AKAP8: variants seen among roughly 807,000 people sequenced by gnomAD.
AKAP8 encodes the protein A-kinase anchoring protein 8, also known as A-kinase anchor protein 8.
AKAP8 carries 24 observed loss-of-function variants against 67.5 expected under a neutral mutation model. The observed-to-expected ratio is 0.36, with a 90% CI of 0.26 to 0.50. AKAP8 has a LOEUF of 0.50. Ranked by LOEUF, AKAP8 falls within the 20% of genes least tolerant of loss-of-function variation. AKAP8 has a pLI of 0.97. For synonymous variants in AKAP8, 400 were observed against 371.1 expected, an observed-to-expected ratio of 1.08 and a Z score of -0.90; for missense variants, 971 against 955.9, an observed-to-expected ratio of 1.02 and a Z score of -0.21.
At chr19:15,355,424 C>T (rs1599553675) in intron 13 of AKAP8, 54 bp from the exon 14 acceptor site, 2 of 1,518,996 alleles carry the variant, frequency 1.3e-6, no homozygotes, top group East Asian at 2.3e-5. Flanking sequence ...TCAGGAGGCC[C>T]ATGATTGCGG....
chr19:15,361,156 T>C (rs751526811), intron 11 of AKAP8, among the ~76,000 whole-genome samples, 178 bp from the exon 12 acceptor site: 1 of 152,170 alleles, frequency 6.6e-6, no homozygotes, highest in African/African-American at 2.4e-5. Context: ...TTCTGCACTT[T>C]TCAGCTTTTC....
At chr19:15,366,330 A>C (rs1425686505) in intron 9 of AKAP8, among the ~76,000 whole-genome samples, 2 of 152,136 alleles carry the variant, frequency 1.3e-5, no homozygotes, top group Non-Finnish European at 2.9e-5. Flanking sequence ...ATTAAAAAGA[A>C]AATGTCATCT....
At chr19:15,362,000 G>T in intron 10 of AKAP8, 110 bp downstream of exon 10, 1 of 1,482,228 alleles carries the variant, frequency 6.7e-7, no homozygotes, top group Non-Finnish European at 9.1e-7. Context: ...CTCTATCTGG[G>T]AAAGGAAACC....
In AKAP8 at chr19:15,354,838, G is replaced by A; in HGVS notation, c.*77C>T. The A allele has an allele frequency of 6.5e-7, 1 of 1,538,168 alleles. No individual in the cohort carries two copies. Among genetic ancestry groups the A allele is most frequent in the Non-Finnish European group, 8.8e-7 (1 of 1,130,424 alleles). ...GCATATTCTGGGAGCACACGCCCTTGTACTGCTTACAAACCAAGGGAGAAA... is the reference window on the plus strand; with the variant it reads ...GCATATTCTGGGAGCACACGCCCTTATACTGCTTACAAACCAAGGGAGAAA... On this transcript the variant is annotated 3_prime_UTR_variant, in exon 14 of 14. Coordinates refer to ENST00000269701, the MANE Select transcript of AKAP8 (RefSeq NM_005858.4).
In AKAP8 at chr19:15,354,050, T is replaced by C. The variant is rs1324834412; in HGVS notation, c.*865A>G. On this transcript the variant is annotated 3_prime_UTR_variant, in exon 14 of 14. Coordinates refer to ENST00000269701, the MANE Select transcript of AKAP8 (RefSeq NM_005858.4). ...TTTTTTAAGAGATGGGGTCTTGCTATGTTGTCCAGGTTGGTCTTGAACTCC... is the reference window on the plus strand; with the variant it reads ...TTTTTTAAGAGATGGGGTCTTGCTACGTTGTCCAGGTTGGTCTTGAACTCC... 1 of 151,886 alleles carries C rather than the reference T, an allele frequency of 6.6e-6. No homozygotes were observed. The highest frequency in any genetic ancestry group is 1.5e-5 in the Non-Finnish European group (1 of 68,006). 9.4% of individuals were successfully genotyped at this position (151,886 alleles called of 1,614,324 possible).
Position 15,368,261 on chromosome 19 carries a change from G to C in AKAP8, c.1134C>G (p.Asp378Glu), listed in dbSNP as rs751500989. 9 of 1,613,232 alleles carry C rather than the reference G, an allele frequency of 5.6e-6. No individual in the cohort carries two copies. The Admixed American group carries it at 1.3e-4, about 24-fold the overall frequency. ...TGTCGGCTGCACGGTCCCGCGTCCT[G>C]TCTCTTCTCCTTTGCTTTTCCCTTC... Reference protein sequence around the residue: ...KKRREKQRRRDRTRDRAADRI... With the variant: ...KKRREKQRRRERTRDRAADRI... The change falls in exon 9 of 14, where the codon GAC becomes GAG. Residue 378 changes from aspartate to glutamate, a missense_variant. Around this residue, in one of 3 missense-constraint regions of AKAP8, gnomAD observed 763 missense variants for 745.4 expected, o/e 1.02. Coordinates refer to ENST00000269701, the MANE Select transcript of AKAP8 (RefSeq NM_005858.4).
intron 2 of AKAP8, among the ~76,000 whole-genome samples, chr19:15,376,384 G>A (rs548104772): frequency 7.2e-5 from 11 of 152,248 alleles, no homozygotes; most frequent in African/African-American, 2.6e-4. Flanking sequence ...GCGCAGTGGT[G>A]GGTGCCTGTA....
At position 15,355,254 on chromosome 19, in the gene AKAP8, C is replaced by T; in HGVS notation, c.1740G>A (p.Glu580=). ...PEEVAADVLA[E]VITAAVRAVD... ...CGGCCCTCACTGCTGCTGTAATCAC[C>T]TCTGCTAAGACGTCCGCGGCCACCT... The change falls in exon 14 of 14, where the codon GAG becomes GAA. Residue 580 remains glutamate, a synonymous_variant. Coordinates refer to ENST00000269701, the MANE Select transcript of AKAP8 (RefSeq NM_005858.4). 5 of 1,612,492 alleles carry T rather than the reference C, an allele frequency of 3.1e-6. No individual in the cohort carries two copies. Among genetic ancestry groups the T allele is most frequent in the Non-Finnish European group, 4.2e-6 (5 of 1,180,042 alleles).
At chr19:15,368,387 T>C (rs996873640) in intron 8 of AKAP8, 65 bp from the exon 9 acceptor site, 5 of 1,607,654 alleles carry the variant, frequency 3.1e-6, no homozygotes, top group Non-Finnish European at 3.4e-6. Context: ...CTCCAGGGCC[T>C]GGTCGGGGGG....
rs143611999 is a variant in AKAP8, at chr19:15,355,356, G to A, written c.1638C>T (p.Phe546=). 1.1e-4 allele frequency: 183 copies of A among 1,613,036 alleles called. No individual in the cohort carries two copies. Among genetic ancestry groups the A allele is most frequent in the Non-Finnish European group, 1.5e-4 (174 of 1,179,802 alleles). ...TTTCTGGATCAACAGTTTCACTGGT[G>A]AAAGGGTCCTCACCCTGGCCAAAGA... ...LEKYLKGEDP[F]TSETVDPEME... Residue 546 remains phenylalanine, a synonymous_variant, in exon 14 of 14, where the codon TTC becomes TTT. Coordinates refer to ENST00000269701, the MANE Select transcript of AKAP8 (RefSeq NM_005858.4).
At chr19:15,364,251 A>G (rs1181034601) in intron 9 of AKAP8, among the ~76,000 whole-genome samples, 3 of 143,680 alleles carry the variant, frequency 2.1e-5, no homozygotes, top group African/African-American at 7.8e-5. Flanking sequence ...AACCTCTAAC[A>G]CCCAGGTTCA....
rs200306304 is a variant in AKAP8, at chr19:15,376,956, G to C, written c.58+20C>G. 1.2e-5 allele frequency: 20 copies of C among 1,609,040 alleles called. No individual in the cohort carries two copies. Among genetic ancestry groups the C allele is most frequent in the Non-Finnish European group, 1.6e-5 (19 of 1,177,916 alleles). On this transcript the variant is annotated intron_variant, in intron 2 of 13. Transcript: ENST00000269701. The stretch of plus-strand genomic sequence containing the variant: ...GTTAGGGGAAGCCCACGCCTCACCC[G>C]CAAAGCAGAGCCCACTTACCCTGGG...
At chr19:15,374,303 T>TC in intron 3 of AKAP8, among the ~76,000 whole-genome samples, 1 of 152,164 alleles carries the variant, frequency 6.6e-6, no homozygotes, top group Non-Finnish European at 1.5e-5. Context: ...TAGGACCTGT[T>TC]CCCCATTCAA....
chr19:15,354,946 G>A lies in AKAP8; in HGVS notation c.2048C>T (p.Ala683Val). 6.2e-7 allele frequency: 1 copy of A among 1,614,148 alleles called. No homozygotes were observed. The highest frequency in any genetic ancestry group is 1.1e-5 in the South Asian group (1 of 91,092). ...AADAEVEQTD[A>V]ESKDAVPTE ...TGTGGGAACAGCGTCTTTAGACTCT[G>A]CATCAGTTTGTTCCACTTCAGCATC... The change falls in exon 14 of 14, where the codon GCA (alanine) becomes GTA (valine). Residue 683 changes from alanine to valine, a missense_variant. Physicochemically the swap from Ala to Val is moderately conservative, Grantham distance 64. This residue lies in a region of AKAP8 where 204 missense variants were observed against 193.0 expected (regional missense o/e 1.06). Transcript: ENST00000269701.
chr19:15,365,196 CT>C (rs144313348), intron 9 of AKAP8, among the ~76,000 whole-genome samples: 9 of 152,328 alleles, frequency 5.9e-5, no homozygotes, highest in Non-Finnish European at 1.2e-4. Context: ...AGATGAGTTC[CT>C]CTCTGCAGGA....
intron 1 of AKAP8, chr19:15,379,458 A>G: frequency 2.2e-6 from 1 of 459,182 alleles, no homozygotes; most frequent in South Asian, 4.1e-5. Flanking sequence ...CACGAAGCCC[A>G]CCGCGGCGTC....
intron 13 of AKAP8, 85 bp from the exon 14 acceptor site, chr19:15,355,455 C>G (rs1026051602): frequency 1.6e-6 from 2 of 1,277,806 alleles, no homozygotes; most frequent in African/African-American, 3.0e-5. Flanking sequence ...TTTTCAGAAC[C>G]AGCAGTCCAC....
chr19:15,373,208 C>T lies in AKAP8; in HGVS notation c.504G>A (p.Gly168=), dbSNP rs1453652943. 4 of 1,613,722 alleles carry T rather than the reference C, an allele frequency of 2.5e-6. No individual in the cohort carries two copies. Among genetic ancestry groups the T allele is most frequent in the East Asian group, 2.2e-5 (1 of 44,890 alleles). ...LGSDRNGSFG[G]QYSECRDPAR... Reference sequence around the variant, plus strand: ...CTGGGTCTCGGCATTCACTGTACTGCCCCCCAAAGCTGCCATTGCGGTCGG... The same window carrying T: ...CTGGGTCTCGGCATTCACTGTACTGTCCCCCAAAGCTGCCATTGCGGTCGG... Residue 168 remains glycine, a synonymous_variant, in exon 5 of 14, where the codon GGG becomes GGA. Transcript: ENST00000269701.
At chr19:15,363,189 C>T (rs1198840522) in intron 9 of AKAP8, among the ~76,000 whole-genome samples, 1 of 151,110 alleles carries the variant, frequency 6.6e-6, no homozygotes, top group African/African-American at 2.4e-5. Context: ...AAGTGAGGAG[C>T]GTCTCCGCCC....
Sources: gnomAD v4.1 joint callset for allele counts (sites outside exome capture counted in the v4.1 genomes callset) on GRCh38, gnomAD v4.1.1 for gene constraint, gnomAD v4.1.1 regional missense constraint, MANE v1.5 for transcripts, NCBI Gene and HGNC (gene_info 2026-07-23, HGNC 2026-07-21) for gene names.